The following G3BP2 variants were observed in gnomAD, a reference collection of about 807,000 sequenced individuals.
The protein encoded by G3BP2 is ras GTPase-activating protein-binding protein 2.
G3BP2 carries 11 observed loss-of-function variants against 56.7 expected under a neutral mutation model. The ratio of observed to expected loss-of-function variants is 0.19; its 90% CI spans 0.12 to 0.32. The LOEUF is 0.32. Ranked by LOEUF, G3BP2 falls within the 10% of genes least tolerant of loss-of-function variation. The pLI, the probability that G3BP2 is intolerant of heterozygous loss-of-function variation, is 1.00. For missense variants in G3BP2, 340 were observed against 610.9 expected (o/e 0.56, Z 4.67); for synonymous variants, 165 against 191.6 (o/e 0.86, Z 1.15).
chr4:75,673,184 T>C lies in G3BP2; in HGVS notation c.-25+24A>G, dbSNP rs1733646241. 2.5e-6 allele frequency: 3 copies of C among 1,190,386 alleles called. No individual in the cohort carries two copies. In the South Asian group the frequency reaches 1.3e-4, roughly 52 times the overall value. The allele number at this position is 1,190,386 out of a possible 1,614,324, so 73.7% of individuals were successfully genotyped here. On this transcript the variant is annotated intron_variant, in intron 1 of 11. Transcript: ENST00000359707. ...TCCCTTTCCGACCACCACACCGACC[T>C]CCCCTCCCGGCGCCCGTACACACCT...
chr4:75,645,819 AC>A (rs1192166773), intron 11 of G3BP2, 117 bp from the exon 12 acceptor site: 9 of 843,232 alleles, frequency 1.1e-5, no homozygotes, highest in East Asian at 2.6e-5. Flanking sequence ...TCAGCCCCCC[AC>A]CCCCCAGAGA....
intron 5 of G3BP2, 144 bp downstream of exon 5, chr4:75,656,777 GACA>G (rs774627149): frequency 3.3e-5 from 20 of 600,068 alleles, no homozygotes; most frequent in East Asian, 2.5e-4. Context: ...TTGTAACAAC[GACA>G]ACAACAACAA....
At chr4:75,667,844 A>T (rs1379903817) in intron 1 of G3BP2, among the ~76,000 whole-genome samples, 3 of 152,170 alleles carry the variant, frequency 2.0e-5, no homozygotes, top group Admixed American at 1.3e-4. Flanking sequence ...AGCTGAGATC[A>T]CACCCTTGCA....
At chr4:75,719,132 A>C (rs1720044141) in intron 3 of G3BP2, among the ~76,000 whole-genome samples, 1 of 151,954 alleles carries the variant, frequency 6.6e-6, no homozygotes, top group South Asian at 2.1e-4. Flanking sequence ...GCGGATCACG[A>C]GGTCAGGAGA....
intron 10 of G3BP2, 22 bp from the exon 11 acceptor site, chr4:75,646,478 C>T: frequency 7.8e-7 from 1 of 1,275,150 alleles, no homozygotes; most frequent in Non-Finnish European, 1.1e-6. Flanking sequence ...TACATTACAT[C>T]AAGGGTTAAA....
In G3BP2 at chr4:75,643,228, C is replaced by T. The variant is rs899036904; in HGVS notation, c.*2202G>A. On this transcript the variant is annotated 3_prime_UTR_variant, in exon 12 of 12. Coordinates refer to ENST00000359707, the MANE Select transcript of G3BP2 (RefSeq NM_203505.3). ...TCTACTTTTCTATTATTACACTTAA[C>T]ATTTGTCATTACTTTTGGTGCCAGA... The T allele has an allele frequency of 3.4e-5, 5 of 148,194 alleles. No homozygotes were observed. The highest frequency in any genetic ancestry group is 1.3e-4 in the African/African-American group (5 of 39,678). 9.2% of individuals were successfully genotyped at this position (148,194 alleles called of 1,614,324 possible). A position where few individuals can be genotyped will look rare whatever the true frequency, so the allele number is the denominator to read the frequency against.
In G3BP2 at chr4:75,645,092, T is replaced by G. The variant is rs1731115722; in HGVS notation, c.*338A>C. Reference sequence around the variant, plus strand: ...ATTAACAGGCAGAAACAGTAACACTTAAACAAAATGTGCAGCAGAAGATTT... The same window carrying G: ...ATTAACAGGCAGAAACAGTAACACTGAAACAAAATGTGCAGCAGAAGATTT... On this transcript the variant is annotated 3_prime_UTR_variant, in exon 12 of 12. Coordinates refer to ENST00000359707, the MANE Select transcript of G3BP2 (RefSeq NM_203505.3). The G allele has an allele frequency of 3.9e-6, 1 of 259,006 alleles. No homozygotes were observed. Among genetic ancestry groups the G allele is most frequent in the Non-Finnish European group, 7.3e-6 (1 of 137,200 alleles). The allele number at this position is 259,006 out of a possible 1,614,324, so 16.0% of individuals were successfully genotyped here.
At chr4:75,649,945 A>G (rs371156309) in intron 8 of G3BP2, among the ~76,000 whole-genome samples, 1 of 152,084 alleles carries the variant, frequency 6.6e-6, no homozygotes, top group South Asian at 2.1e-4. Context: ...CGGAAGACGG[A>G]GGTTGCAGTG....
chr4:75,697,624 G>C (rs2149090576), intron 3 of G3BP2, among the ~76,000 whole-genome samples: 1 of 152,190 alleles, frequency 6.6e-6, no homozygotes, highest in East Asian at 1.9e-4. Context: ...AATGTCATAA[G>C]TGGGTAATTC....
chr4:75,665,288 C>A (rs1209604257), intron 1 of G3BP2, among the ~76,000 whole-genome samples: 1 of 152,186 alleles, frequency 6.6e-6, no homozygotes, highest in East Asian at 1.9e-4. Flanking sequence ...ATCCCCAAAT[C>A]TGTTTAAAAT....
At chr4:75,724,053 T>C (rs1222026717) in intron 1 of G3BP2, 1 of 152,216 alleles carries the variant, frequency 6.6e-6, no homozygotes, top group Non-Finnish European at 1.5e-5. Flanking sequence ...AATAGAGGTG[T>C]ACCTGGTGTT....
chr4:75,679,765 A>C (rs77655468), intron 3 of G3BP2, among the ~76,000 whole-genome samples: 382 of 152,202 alleles, frequency 2.5e-3, no homozygotes, highest in African/African-American at 8.8e-3. Flanking sequence ...AAAATAACCC[A>C]CCCTGAATTT....
chr4:75,672,898 T>TC (rs368486690), intron 1 of G3BP2: 521 of 571,224 alleles, frequency 9.1e-4, no homozygotes, highest in East Asian at 1.9e-3. Flanking sequence ...GCTGCGTGCC[T>TC]CCCCCCCCAC....
chr4:75,690,194 G>T (rs906432040), intron 3 of G3BP2, among the ~76,000 whole-genome samples: 1 of 152,180 alleles, frequency 6.6e-6, no homozygotes, highest in African/African-American at 2.4e-5. Flanking sequence ...AGCACTTTGG[G>T]AGGCCAAGGT....
At chr4:75,714,480 T>G (rs959229798) in intron 3 of G3BP2, among the ~76,000 whole-genome samples, 2 of 151,922 alleles carry the variant, frequency 1.3e-5, no homozygotes, top group African/African-American at 4.8e-5. Context: ...TACAAAAAAT[T>G]AACTGGGCGT....
chr4:75,714,393 G>A (rs546087085), intron 3 of G3BP2, among the ~76,000 whole-genome samples: 19 of 152,288 alleles, frequency 1.2e-4, no homozygotes, highest in Admixed American at 5.9e-4. Context: ...TTGGAAGGCC[G>A]GGGCGGGCAG....
chr4:75,711,043 G>A (rs769089787), intron 3 of G3BP2, among the ~76,000 whole-genome samples: 7 of 152,100 alleles, frequency 4.6e-5, no homozygotes, highest in Non-Finnish European at 5.9e-5. Context: ...TTTTCAGCTG[G>A]GTGCAGTGGC....
At chr4:75,684,561 T>C (rs1718493831) in intron 3 of G3BP2, among the ~76,000 whole-genome samples, 1 of 152,232 alleles carries the variant, frequency 6.6e-6, no homozygotes, top group African/African-American at 2.4e-5. Flanking sequence ...AGTCTGGCTA[T>C]GTTGCCCAGG....
At chr4:75,680,747 G>C (rs1443606845) in intron 3 of G3BP2, among the ~76,000 whole-genome samples, 3 of 151,184 alleles carry the variant, frequency 2.0e-5, no homozygotes, top group African/African-American at 7.3e-5. Context: ...CGGGCGGATC[G>C]CGAGGTCAAG....
Sources: allele counts gnomAD v4.1 joint callset (sites outside exome capture counted in the v4.1 genomes callset), GRCh38; gene constraint gnomAD v4.1.1; transcripts MANE v1.5; gene names NCBI Gene and HGNC (gene_info 2026-07-23, HGNC 2026-07-21).